Variants in GNA13 observed in about 807,000 individuals in gnomAD.
The protein encoded by GNA13 is guanine nucleotide-binding protein subunit alpha-13.
Under a neutral mutation model 33.5 loss-of-function variants are expected in GNA13, and 4 were observed. That is an observed-to-expected ratio of 0.12 (90% CI 0.06 to 0.27). GNA13 has a LOEUF of 0.27. Among genes scored for constraint, GNA13 ranks in the 10% least tolerant of loss-of-function variants. The pLI is 1.00. For missense variants in GNA13, 319 were observed against 487.2 expected (o/e 0.65, Z 3.25); for synonymous variants, 176 against 183.8 (o/e 0.96, Z 0.34).
intron 3 of GNA13, 123 bp downstream of exon 3, chr17:65,018,130 A>AAAAAAAAAG (rs1906444618): frequency 4.5e-6 from 1 of 222,092 alleles, no homozygotes; most frequent in African/African-American, 2.8e-5. Context: ...AAAAAAAAAA[A>AAAAAAAAAG]AAAAAAAAAG....
intron 2 of GNA13, among the ~76,000 whole-genome samples, chr17:65,039,788 T>C (rs1907390308): frequency 6.6e-6 from 1 of 152,236 alleles, no homozygotes; most frequent in Non-Finnish European, 1.5e-5. Flanking sequence ...AGAGATTACT[T>C]TCACTTGGTT....
intron 2 of GNA13, among the ~76,000 whole-genome samples, chr17:65,018,600 A>C (rs1476172802): frequency 6.6e-6 from 1 of 152,220 alleles, no homozygotes; most frequent in Non-Finnish European, 1.5e-5. Flanking sequence ...TCCACAGTGA[A>C]GACATATAAT....
At chr17:65,054,584 T>A (rs1404531828) in intron 1 of GNA13, among the ~76,000 whole-genome samples, 1 of 152,198 alleles carries the variant, frequency 6.6e-6, no homozygotes, top group African/African-American at 2.4e-5. Flanking sequence ...GTGCTGGGAT[T>A]GCAGGAGTGA....
intron 2 of GNA13, among the ~76,000 whole-genome samples, chr17:65,046,541 T>C (rs920447524): frequency 6.6e-6 from 1 of 152,210 alleles, no homozygotes; most frequent in African/African-American, 2.4e-5. Context: ...TTCCTCAGCC[T>C]GAATTAATTT....
rs1240244655 is a variant in GNA13, at chr17:65,010,854, C to T, written c.*3403G>A. The T allele has an allele frequency of 1.4e-5, 3 of 208,220 alleles. No individual in the cohort carries two copies. The highest frequency in any genetic ancestry group is 2.9e-5 in the Non-Finnish European group (3 of 102,062). The allele number at this position is 208,220 out of a possible 1,614,324, so 12.9% of individuals were successfully genotyped here. ...ACAGAAATAACATTGCTACAAACTG[C>T]AATGGAGAGAATCTTGTTTCAAATG... On this transcript the variant is annotated 3_prime_UTR_variant, in exon 4 of 4. Transcript: ENST00000439174.
intron 3 of GNA13, 84 bp downstream of exon 3, chr17:65,018,169 A>T: frequency 2.0e-6 from 1 of 491,090 alleles, no homozygotes; most frequent in Non-Finnish European, 3.8e-6. Context: ...CTTAATACAT[A>T]ATTTTTCTAA....
intron 2 of GNA13, among the ~76,000 whole-genome samples, chr17:65,044,379 A>G (rs535073022): frequency 1.7e-4 from 26 of 152,358 alleles, no homozygotes; most frequent in Admixed American, 1.3e-3. Flanking sequence ...GGTTCACAAT[A>G]TAGACAAAGG....
chr17:65,053,715 C>G lies in GNA13; in HGVS notation c.297G>C (p.Leu99=), dbSNP rs375975490. 30 of 1,608,782 alleles carry G rather than the reference C, an allele frequency of 1.9e-5. No individual in the cohort carries two copies. In the African/African-American group the frequency reaches 4.0e-4, roughly 21 times the overall value. Residue 99 remains leucine, a synonymous_variant, in exon 2 of 4, where the codon CTG becomes CTC. Transcript: ENST00000439174. The part of the protein sequence containing the change: ...YSNVIKGMRV[L]VDAREKLHIP... ...TATGAAGCTTCTCTCGAGCATCAAC[C>G]AGCACCCTCATACCTTTGTTTAAAA...
At chr17:65,045,144 G>C (rs919496743) in intron 2 of GNA13, among the ~76,000 whole-genome samples, 5 of 151,686 alleles carry the variant, frequency 3.3e-5, no homozygotes, top group African/African-American at 1.2e-4. Context: ...AGGCACTAAA[G>C]ATGGCACTGT....
At chr17:65,024,686 A>T (rs976836946) in intron 2 of GNA13, among the ~76,000 whole-genome samples, 2 of 152,310 alleles carry the variant, frequency 1.3e-5, no homozygotes, top group Middle Eastern at 3.4e-3. Context: ...ACCCAATCAA[A>T]ATCTTAGCAA....
intron 2 of GNA13, among the ~76,000 whole-genome samples, chr17:65,034,816 G>A (rs1290746708): frequency 5.3e-5 from 8 of 152,158 alleles, no homozygotes; most frequent in African/African-American, 1.9e-4. Context: ...ATGGAGTTTT[G>A]CTCTTGTTGC....
At chr17:65,015,538 C>T (rs1490367386) in intron 3 of GNA13, among the ~76,000 whole-genome samples, 2 of 151,922 alleles carry the variant, frequency 1.3e-5, no homozygotes, top group Non-Finnish European at 1.5e-5. Flanking sequence ...TGGCGGGCGC[C>T]TGTAGTCCCA....
chr17:65,012,518 T>C lies in GNA13; in HGVS notation c.*1739A>G, dbSNP rs1454358370. On this transcript the variant is annotated 3_prime_UTR_variant, in exon 4 of 4. Coordinates refer to ENST00000439174, the MANE Select transcript of GNA13 (RefSeq NM_006572.6). ...ACTTGCATCACGGTGCCGGGCTACGTATGTGTAGCTCATGGATTACCATGG... is the reference window on the plus strand; with the variant it reads ...ACTTGCATCACGGTGCCGGGCTACGCATGTGTAGCTCATGGATTACCATGG... The C allele has an allele frequency of 4.6e-6, 1 of 218,812 alleles. No individual in the cohort carries two copies. Among genetic ancestry groups the C allele is most frequent in the Non-Finnish European group, 9.2e-6 (1 of 108,956 alleles). The allele number at this position is 218,812 out of a possible 1,614,324, so 13.6% of individuals were successfully genotyped here.
At chr17:65,051,723 G>A (rs1020310067) in intron 2 of GNA13, among the ~76,000 whole-genome samples, 2 of 152,124 alleles carry the variant, frequency 1.3e-5, no homozygotes, top group Non-Finnish European at 2.9e-5. Flanking sequence ...TTGATCAAGG[G>A]ACAAAACTAA....
intron 2 of GNA13, among the ~76,000 whole-genome samples, chr17:65,036,169 A>T (rs1411370019): frequency 6.6e-6 from 1 of 152,226 alleles, no homozygotes; most frequent in Admixed American, 6.5e-5. Flanking sequence ...CACAGCCTAT[A>T]AGGAGCACTA....
intron 2 of GNA13, among the ~76,000 whole-genome samples, chr17:65,026,800 C>T (rs569240523): frequency 2.6e-5 from 4 of 152,250 alleles, no homozygotes; most frequent in East Asian, 3.9e-4. Flanking sequence ...TGTTTTGAGA[C>T]GGAGTTTCGC....
At position 65,056,399 on chromosome 17, in the gene GNA13, C is replaced by A; in HGVS notation, c.195G>T (p.Leu65=). ...GCCCGTGGATGATCCGCATCTGCTT[C>A]AGGAAGGTGGACTTGCCGCTCTCGC... ...GAGESGKSTF[L]KQMRIIHGQD... The change falls in exon 1 of 4, where the codon CTG becomes CTT. Residue 65 remains leucine, a synonymous_variant. Transcript: ENST00000439174. 6.2e-7 allele frequency: 1 copy of A among 1,613,796 alleles called. No homozygotes were observed. The highest frequency in any genetic ancestry group is 8.5e-7 in the Non-Finnish European group (1 of 1,179,916).
chr17:65,034,012 CAAAAAAAAAAA>C (rs780895691), intron 2 of GNA13, among the ~76,000 whole-genome samples: 7 of 50,078 alleles, frequency 1.4e-4, no homozygotes, highest in Admixed American at 3.5e-4. Flanking sequence ...GACTCCGTCT[CAAAAAAAAAAA>C]AAAAAAAAAA....
At position 65,018,442 on chromosome 17, in the gene GNA13, T is replaced by G. The variant is rs1906462425; in HGVS notation, c.511-139A>C. The G allele has an allele frequency of 1.3e-5, 8 of 633,912 alleles. No homozygotes were observed. In the Admixed American group the frequency reaches 1.4e-4, roughly 11 times the overall value. The allele number at this position is 633,912 out of a possible 1,614,324, so 39.3% of individuals were successfully genotyped here. ...GTCACCAATTTCAGACAGCTAACCT[T>G]CCTAAAAACATATAAAACGTCTGCT... On this transcript the variant is annotated intron_variant, in intron 2 of 3. Coordinates refer to ENST00000439174, the MANE Select transcript of GNA13 (RefSeq NM_006572.6).
Sources: gnomAD v4.1 joint callset for allele counts (sites outside exome capture counted in the v4.1 genomes callset) on GRCh38, gnomAD v4.1.1 for gene constraint, MANE v1.5 for transcripts, NCBI Gene and HGNC (gene_info 2026-07-23, HGNC 2026-07-21) for gene names.